WNK2: variants seen among roughly 807,000 people sequenced by gnomAD.
The protein encoded by WNK2 is WNK lysine deficient protein kinase 2, also known as serine/threonine-protein kinase WNK2.
Under a neutral mutation model 192.1 loss-of-function variants are expected in WNK2, and 67 were observed. That is an observed-to-expected ratio of 0.35 (90% CI 0.29 to 0.43). The LOEUF (loss-of-function observed/expected upper bound fraction) is 0.43, where lower values mean the gene tolerates loss of function less well. WNK2 is among the 20% of genes least tolerant of loss of function. The pLI is 1.00. For synonymous variants in WNK2, 1,439 were observed against 1,393.9 expected (o/e 1.03, Z -0.72); for missense variants, 2,698 against 3,089.7 (o/e 0.87, Z 3.01).
intron 8 of WNK2, among the ~76,000 whole-genome samples, chr9:93,250,489 T>G (rs1030845889): frequency 2.6e-5 from 4 of 152,228 alleles, no homozygotes; most frequent in Non-Finnish European, 5.9e-5. Context: ...TTCTGCACCT[T>G]GCTCTGGGAT....
Position 93,274,515 on chromosome 9 carries a change from C to CAA in WNK2, c.4033+5791_4033+5792dup, listed in dbSNP as rs67350876. ...CAACAGTGCAAGGCTCCGTCTCAAC[C>CAA]AAAAAAAAAAAAAAAAAAAAAAAGA... On this transcript the variant is annotated intron_variant, in intron 19 of 29. Transcript: ENST00000427277. Among the ~76,000 whole-genome samples, 1,136 of 117,902 alleles carry CAA rather than the reference C, an allele frequency of 9.6e-3. 11 individuals carry two copies. The highest frequency in any genetic ancestry group is 0.031 in the African/African-American group (916 of 29,158). 77.3% of individuals were successfully genotyped at this position (117,902 alleles called of 152,430 possible).
At chr9:93,279,736 C>G (rs115459087) in intron 19 of WNK2, among the ~76,000 whole-genome samples, 4,071 of 152,254 alleles carry the variant, frequency 0.027, 180 homozygotes, top group African/African-American at 0.094. Context: ...ATGAAATAGT[C>G]TGGAAATCAA....
At chr9:93,262,398 A>G (rs1414454089) in intron 13 of WNK2, among the ~76,000 whole-genome samples, 2 of 152,252 alleles carry the variant, frequency 1.3e-5, no homozygotes, top group Admixed American at 6.5e-5. Flanking sequence ...GGGATGATCA[A>G]AGTGGGTTAA....
chr9:93,302,440 G>A (rs1851778295), intron 26 of WNK2, among the ~76,000 whole-genome samples: 1 of 152,152 alleles, frequency 6.6e-6, no homozygotes, highest in Non-Finnish European at 1.5e-5. Context: ...AGCCGGCGCA[G>A]CCAGCCCAGC....
intron 9 of WNK2, among the ~76,000 whole-genome samples, chr9:93,254,542 A>G (rs1843017337): frequency 1.3e-5 from 2 of 152,250 alleles, no homozygotes; most frequent in Admixed American, 1.3e-4. Flanking sequence ...TTGGAAAAGC[A>G]GTGGAAGCTG....
At chr9:93,262,248 C>T (rs1229810778) in intron 13 of WNK2, 141 bp downstream of exon 13, 13 of 1,031,138 alleles carry the variant, frequency 1.3e-5, no homozygotes, top group Non-Finnish European at 1.8e-5. Flanking sequence ...TCTCACCTCT[C>T]CCTAGATTTC....
At chr9:93,213,645 C>T (rs896813088) in intron 2 of WNK2, among the ~76,000 whole-genome samples, 7 of 152,188 alleles carry the variant, frequency 4.6e-5, no homozygotes, top group East Asian at 3.9e-4. Flanking sequence ...CAAAATTAGC[C>T]GGGCATGGTG....
chr9:93,317,866 T>C, intron 29 of WNK2: 1 of 1,557,890 alleles, frequency 6.4e-7, no homozygotes, highest in Non-Finnish European at 8.7e-7. Context: ...GCCCTGTCCC[T>C]TGCCAGATGG....
intron 26 of WNK2, chr9:93,300,433 T>A: frequency 3.0e-6 from 1 of 328,292 alleles, no homozygotes; most frequent in Non-Finnish European, 5.5e-6. Flanking sequence ...CCCGGGCACC[T>A]CTGCCCAGAA....
At chr9:93,211,221 T>TCACTCATTCAC (rs1563997138) in intron 2 of WNK2, among the ~76,000 whole-genome samples, 1 of 7,296 alleles carries the variant, frequency 1.4e-4, no homozygotes, top group Non-Finnish European at 3.1e-4. Context: ...CAATCACTCA[T>TCACTCATTCAC]CCACTCACTC....
chr9:93,213,951 C>T (rs966131470), intron 2 of WNK2, among the ~76,000 whole-genome samples: 2 of 152,174 alleles, frequency 1.3e-5, no homozygotes, highest in Non-Finnish European at 2.9e-5. Flanking sequence ...CTTACCCACC[C>T]CTGCTTTTTG....
chr9:93,302,321 G>T (rs972608101), intron 26 of WNK2, among the ~76,000 whole-genome samples: 2 of 152,144 alleles, frequency 1.3e-5, no homozygotes, highest in Non-Finnish European at 2.9e-5. Context: ...GTGAGCAGAT[G>T]GGCTAGGAAG....
chr9:93,289,278 C>T lies in WNK2; in HGVS notation c.4524C>T (p.Ser1508=), dbSNP rs1223450746. 3.1e-6 allele frequency: 5 copies of T among 1,599,948 alleles called. No individual in the cohort carries two copies. Among genetic ancestry groups the T allele is most frequent in the Non-Finnish European group, 4.3e-6 (5 of 1,174,668 alleles). The change falls in exon 20 of 30, where the codon AGC becomes AGT. Residue 1508 remains serine (S), a synonymous_variant. Transcript: ENST00000427277. ...PLLPAAVGAV[S]LATSQLPSPP... is the part of the protein sequence containing the mutation. ...TTCCTGCCGCAGTGGGGGCCGTCAG[C>T]CTGGCCACCTCCCAGCTCCCAAGCC...
rs1004676121 is a variant in WNK2 at position 93,222,487 on chromosome 9, C to T, written c.682-7209C>T. On this transcript the variant is annotated intron_variant, in intron 2 of 29. Transcript: ENST00000427277. ...GAATGTGGGAAGAGTCCAGTGCCGCCGACTCACCCCCAACTGAGCACCTCC... is the reference window on the plus strand; with the variant it reads ...GAATGTGGGAAGAGTCCAGTGCCGCTGACTCACCCCCAACTGAGCACCTCC... 3.9e-5 allele frequency among the ~76,000 whole-genome samples: 6 copies of T among 152,214 alleles called. No homozygotes were observed. In the South Asian group the frequency reaches 1.0e-3, roughly 26 times the overall value.
rs763716470 is a variant in WNK2 at position 93,263,610 on chromosome 9, G to A, written c.3455G>A (p.Ser1152Asn). The A allele has an allele frequency of 6.2e-7, 1 of 1,610,570 alleles. No individual in the cohort carries two copies. Among genetic ancestry groups the A allele is most frequent in the South Asian group, 1.1e-5 (1 of 90,250 alleles). Residue 1152 changes from serine to asparagine, a missense_variant, in exon 15 of 30, where the codon AGC becomes AAC. Ser to Asn is a conservative substitution (Grantham distance 46, BLOSUM62 1). Coordinates refer to ENST00000427277, the MANE Select transcript of WNK2 (RefSeq NM_006648.4). Reference sequence around the variant, plus strand: ...ACTTCTGGAAAAGAGCTGAGTGACAGCTGTGAAGGCGCCTTTGGAGGGGGC... The same window carrying A: ...ACTTCTGGAAAAGAGCTGAGTGACAACTGTGAAGGCGCCTTTGGAGGGGGC... ...DVTSGKELSD[S>N]CEGAFGGGRL...
intron 2 of WNK2, among the ~76,000 whole-genome samples, chr9:93,206,500 C>T (rs1563984443): frequency 7.2e-6 from 1 of 138,946 alleles, no homozygotes; most frequent in Non-Finnish European, 1.5e-5. Context: ...CTGGATGCAC[C>T]GGGGAGTTCT....
In WNK2 at chr9:93,274,356, C is replaced by A. The variant is rs562106478; in HGVS notation, c.4033+5610C>A. 1.9e-4 allele frequency among the ~76,000 whole-genome samples: 29 copies of A among 151,804 alleles called. No homozygotes were observed. In the East Asian group the frequency reaches 4.5e-3, roughly 23 times the overall value. On this transcript the variant is annotated intron_variant, in intron 19 of 29. Transcript: ENST00000427277. ...TGAAACCCCGTCTCTACTAAAAGTACAAAAAATTAGCTGGGCATGGTGGCG... is the reference window on the plus strand; with the variant it reads ...TGAAACCCCGTCTCTACTAAAAGTAAAAAAAATTAGCTGGGCATGGTGGCG...
At chr9:93,272,193 A>G (rs959913332) in intron 19 of WNK2, among the ~76,000 whole-genome samples, 2 of 152,258 alleles carry the variant, frequency 1.3e-5, no homozygotes, top group African/African-American at 2.4e-5. Context: ...AAGGAAGAGC[A>G]ACAGAAGTTG....
chr9:93,196,059 G>A (rs1327544557), intron 2 of WNK2, among the ~76,000 whole-genome samples: 10 of 152,284 alleles, frequency 6.6e-5, no homozygotes, highest in African/African-American at 2.2e-4. Flanking sequence ...GAGCCTTTAC[G>A]ATGCCCACTG....
Sources: allele counts gnomAD v4.1 joint callset (sites outside exome capture counted in the v4.1 genomes callset), GRCh38; gene constraint gnomAD v4.1.1; transcripts MANE v1.5; gene names NCBI Gene and HGNC (gene_info 2026-07-23, HGNC 2026-07-21).